ARL15: variants seen among roughly 807,000 people sequenced by gnomAD.
The protein encoded by ARL15 is ARF like GTPase 15, also known as ADP-ribosylation factor-like protein 15.
In ARL15, 19 loss-of-function variants were observed where a neutral mutation model predicts 25.2. That is an observed-to-expected ratio of 0.75 (90% CI 0.53 to 1.10). ARL15 has a LOEUF of 1.10. ARL15 is among the 50% of genes least tolerant of loss of function. The pLI is 0.00. For missense variants in ARL15, 220 were observed against 246.0 expected, an observed-to-expected ratio of 0.89 and a Z score of 0.71; for synonymous variants, 94 against 86.8, an observed-to-expected ratio of 1.08 and a Z score of -0.46.
intron 4 of ARL15, among the ~76,000 whole-genome samples, chr5:54,080,802 C>T (rs1052914318): frequency 2.6e-5 from 4 of 152,272 alleles, no homozygotes; most frequent in South Asian, 2.1e-4. Context: ...GGACAATTCT[C>T]TTCATTCATC....
chr5:54,236,199 C>T (rs1016706804), intron 1 of ARL15, among the ~76,000 whole-genome samples: 1 of 152,168 alleles, frequency 6.6e-6, no homozygotes, highest in Non-Finnish European at 1.5e-5. Flanking sequence ...AGTGTCTGAT[C>T]GGATAACTAT....
intron 3 of ARL15, among the ~76,000 whole-genome samples, chr5:54,142,884 T>C (rs1457445798): frequency 6.6e-6 from 1 of 152,216 alleles, no homozygotes; most frequent in Non-Finnish European, 1.5e-5. Context: ...AGAAGTTTTA[T>C]TGTTTTAGGT....
chr5:54,038,535 G>A (rs1750238626), intron 4 of ARL15, among the ~76,000 whole-genome samples: 1 of 151,844 alleles, frequency 6.6e-6, no homozygotes, highest in Non-Finnish European at 1.5e-5. Context: ...GTAAGTCATT[G>A]AAAACAATGA....
chr5:54,079,409 A>T (rs12187099), intron 4 of ARL15, among the ~76,000 whole-genome samples: 6,354 of 152,298 alleles, frequency 0.042, 192 homozygotes, highest in Non-Finnish European at 0.063. Context: ...TTAAGTGCTA[A>T]TGCAAAATTC....
intron 1 of ARL15, among the ~76,000 whole-genome samples, chr5:54,220,849 T>C (rs1251927862): frequency 6.6e-6 from 1 of 152,104 alleles, no homozygotes; most frequent in African/African-American, 2.4e-5. Context: ...TTTGCCGTGG[T>C]GAGATCCGCA....
At chr5:54,049,476 A>G (rs1384070525) in intron 4 of ARL15, among the ~76,000 whole-genome samples, 2 of 152,196 alleles carry the variant, frequency 1.3e-5, no homozygotes, top group African/African-American at 4.8e-5. Context: ...GATATATCCT[A>G]TGGTTTGGAG....
chr5:54,033,515 T>A (rs1750064297), intron 4 of ARL15, among the ~76,000 whole-genome samples: 2 of 148,456 alleles, frequency 1.3e-5, no homozygotes, highest in South Asian at 2.2e-4. Context: ...TAAAAAAAAA[T>A]ACAAAAGTTA....
intron 4 of ARL15, among the ~76,000 whole-genome samples, chr5:54,014,978 T>C (rs1277339611): frequency 6.6e-6 from 1 of 152,054 alleles, no homozygotes; most frequent in Non-Finnish European, 1.5e-5. Context: ...CCTTTGCCCC[T>C]ATATAAGTGA....
intron 4 of ARL15, among the ~76,000 whole-genome samples, chr5:53,965,540 C>T (rs1380301345): frequency 2.0e-5 from 3 of 151,950 alleles, no homozygotes; most frequent in African/African-American, 7.3e-5. Context: ...GCCTTAGAGA[C>T]CACAGAAGAG....
chr5:54,115,433 C>A (rs1005315892), intron 3 of ARL15, among the ~76,000 whole-genome samples: 1 of 152,096 alleles, frequency 6.6e-6, no homozygotes, highest in Non-Finnish European at 1.5e-5. Context: ...AGGCACATAC[C>A]ATGGTGCTTG....
intron 4 of ARL15, among the ~76,000 whole-genome samples, chr5:53,967,967 G>C (rs897231299): frequency 3.9e-4 from 59 of 152,302 alleles, no homozygotes; most frequent in African/African-American, 1.4e-3. Flanking sequence ...CAGTGATTGT[G>C]ATGGGTGTAG....
intron 1 of ARL15, among the ~76,000 whole-genome samples, chr5:54,250,673 C>A (rs1170207646): frequency 1.3e-5 from 2 of 150,798 alleles, no homozygotes; most frequent in African/African-American, 4.9e-5. Flanking sequence ...GGGACGGGAC[C>A]AAAAAAAACA....
chr5:54,166,811 G>A lies in ARL15; in HGVS notation c.193+4973C>T, dbSNP rs866180014. 2.6e-5 allele frequency among the ~76,000 whole-genome samples: 4 copies of A among 152,008 alleles called. No homozygotes were observed. In the East Asian group the frequency reaches 5.8e-4, roughly 22 times the overall value. ...ATCAGTTCTGGGTCAGTTCCAATTC[G>A]ATGATTATTCTCATTATGAATCATG... On this transcript the variant is annotated intron_variant, in intron 2 of 4. Coordinates refer to ENST00000504924, the MANE Select transcript of ARL15 (RefSeq NM_019087.3).
At chr5:54,036,533 G>C (rs577894416) in intron 4 of ARL15, among the ~76,000 whole-genome samples, 1 of 152,154 alleles carries the variant, frequency 6.6e-6, no homozygotes, top group Admixed American at 6.5e-5. Context: ...ACCAAGCGTA[G>C]GACTCTGTTT....
chr5:54,024,615 T>C (rs974918833), intron 4 of ARL15, among the ~76,000 whole-genome samples: 1 of 152,174 alleles, frequency 6.6e-6, no homozygotes, highest in African/African-American at 2.4e-5. Context: ...ATGAGTTACT[T>C]TGCAAATATT....
chr5:53,933,283 G>A (rs759957566), intron 4 of ARL15, among the ~76,000 whole-genome samples: 4 of 152,150 alleles, frequency 2.6e-5, no homozygotes, highest in Non-Finnish European at 4.4e-5. Context: ...GATATAGGGA[G>A]GGTGTAGTTT....
At chr5:54,088,944 G>C (rs1332794569) in intron 4 of ARL15, among the ~76,000 whole-genome samples, 2 of 152,144 alleles carry the variant, frequency 1.3e-5, no homozygotes, top group African/African-American at 4.8e-5. Context: ...AGATCCTAAA[G>C]GTGGTTTTGT....
chr5:54,108,758 T>C (rs975762847), intron 4 of ARL15, among the ~76,000 whole-genome samples: 13 of 152,060 alleles, frequency 8.5e-5, no homozygotes, highest in Middle Eastern at 6.8e-3. Flanking sequence ...TCTGATCCTT[T>C]GTAGAAAGGA....
intron 4 of ARL15, among the ~76,000 whole-genome samples, chr5:53,976,099 G>A (rs1280458325): frequency 6.6e-6 from 1 of 152,054 alleles, no homozygotes; most frequent in East Asian, 1.9e-4. Context: ...ACATTTTTTA[G>A]GCACCCTCCA....
Sources: gnomAD v4.1 joint callset for allele counts (sites outside exome capture counted in the v4.1 genomes callset) on GRCh38, gnomAD v4.1.1 for gene constraint, MANE v1.5 for transcripts, NCBI Gene and HGNC (gene_info 2026-07-23, HGNC 2026-07-21) for gene names.